The following FRAS1 variants were observed in gnomAD, a reference collection of about 807,000 sequenced individuals.
The protein encoded by FRAS1 is Fraser extracellular matrix complex subunit 1.
In FRAS1, 290 loss-of-function variants were observed where a neutral mutation model predicts 435.2. The observed-to-expected ratio is 0.67, with a 90% CI of 0.61 to 0.73. FRAS1 has a LOEUF of 0.73. FRAS1 is among the 30% of genes least tolerant of loss of function. The probability of loss-of-function intolerance (pLI) is 0.00; values close to 1 mark genes in which losing one functional copy is unlikely to be tolerated. For synonymous variants in FRAS1, 1,800 were observed against 1,851.0 expected, an observed-to-expected ratio of 0.97 and a Z score of 0.71; for missense variants, 4,860 against 5,001.5, an observed-to-expected ratio of 0.97 and a Z score of 0.85.
Position 78,375,807 on chromosome 4 carries a change from C to G in FRAS1, c.3220C>G (p.Leu1074Val). 6.2e-7 allele frequency: 1 copy of G among 1,613,376 alleles called. No individual in the cohort carries two copies. The highest frequency in any genetic ancestry group is 8.5e-7 in the Non-Finnish European group (1 of 1,179,606). Reference sequence around the variant, plus strand: ...TCACCTCTGTGACCATGGGTTCTTTCTGAAGAGTGGCCTCTGTGTTTACAA... The same window carrying G: ...TCACCTCTGTGACCATGGGTTCTTTGTGAAGAGTGGCCTCTGTGTTTACAA... ...RCHLCDHGFF[L>V]KSGLCVYNCV... Residue 1074 changes from leucine (L) to valine (V), a missense_variant, in exon 26 of 74, where the codon CTG (leucine) becomes GTG (valine). Transcript: ENST00000512123.
intron 47 of FRAS1, among the ~76,000 whole-genome samples, chr4:78,454,412 A>T (rs17003245): frequency 0.026 from 3,946 of 152,240 alleles, 173 homozygotes; most frequent in African/African-American, 0.09. Context: ...GAGGGCATGT[A>T]GTACGTGTAT....
rs941167707 is a variant in FRAS1 at position 78,057,689 on chromosome 4, C to A, written c.-321C>A. 4.8e-6 allele frequency: 2 copies of A among 414,808 alleles called. No homozygotes were observed. The highest frequency in any genetic ancestry group is 4.3e-6 in the Non-Finnish European group (1 of 230,618). The allele number at this position is 414,808 out of a possible 1,614,324, so 25.7% of individuals were successfully genotyped here. ...GATCCCATCGGCCAGTGACCAGCAA[C>A]TTTCCGGCGAGATTTTGACGCGGAG... On this transcript the variant is annotated 5_prime_UTR_variant, in exon 1 of 74. Transcript: ENST00000512123. This position sits in a 1 kb window ranked among gnomAD's most constrained non-coding sequence, Gnocchi z 4.2.
rs147812910 is a variant in FRAS1, at chr4:78,177,662, A to T, written c.109-59848A>T. Reference sequence around the variant, plus strand: ...GGGTCTGCCAGCTCTACTTGAGATTATGCTTCCAGCACCTGTAACTCCTGG... The same window carrying T: ...GGGTCTGCCAGCTCTACTTGAGATTTTGCTTCCAGCACCTGTAACTCCTGG... On this transcript the variant is annotated intron_variant, in intron 2 of 73. Transcript: ENST00000512123. Among the ~76,000 whole-genome samples, 960 of 152,260 alleles carry T rather than the reference A, an allele frequency of 6.3e-3. 9 individuals are homozygous for T. Among genetic ancestry groups the T allele is most frequent in the African/African-American group, 0.022 (901 of 41,534 alleles).
chr4:78,329,876 C>T (rs1463519943), intron 18 of FRAS1, among the ~76,000 whole-genome samples: 1 of 152,188 alleles, frequency 6.6e-6, no homozygotes, highest in Non-Finnish European at 1.5e-5. Flanking sequence ...ATGGATTAAA[C>T]CCCATGACTT....
At chr4:78,440,321 C>T (rs1414513030) in intron 40 of FRAS1, among the ~76,000 whole-genome samples, 2 of 152,150 alleles carry the variant, frequency 1.3e-5, no homozygotes, top group Admixed American at 6.5e-5. Context: ...CGTGAGCCAC[C>T]GGGCCCGGCC....
chr4:78,430,960 T>C (rs1393123270), intron 37 of FRAS1, among the ~76,000 whole-genome samples: 1 of 152,202 alleles, frequency 6.6e-6, no homozygotes. Context: ...AAATAATATA[T>C]GTTTATTATT....
intron 2 of FRAS1, among the ~76,000 whole-genome samples, chr4:78,207,993 A>G (rs189997628): frequency 4.6e-5 from 7 of 152,296 alleles, no homozygotes; most frequent in Non-Finnish European, 8.8e-5. Flanking sequence ...GGAATAAACC[A>G]GAAAAGCCGA....
chr4:78,221,808 A>G (rs531249295), intron 2 of FRAS1, among the ~76,000 whole-genome samples: 9 of 152,362 alleles, frequency 5.9e-5, no homozygotes, highest in Middle Eastern at 3.4e-3. Flanking sequence ...GGACAAGGTC[A>G]CAACACCCCT....
At position 78,382,826 on chromosome 4, in the gene FRAS1, C is replaced by T. The variant is rs572531627; in HGVS notation, c.3564-1233C>T. On this transcript the variant is annotated intron_variant, in intron 27 of 73. Coordinates refer to ENST00000512123, the MANE Select transcript of FRAS1 (RefSeq NM_025074.7). ...ATAGTTGCTCCTTTACCCCTAGTCACTGGTGACCACTGATCCATTTTTACT... is the reference window on the plus strand; with the variant it reads ...ATAGTTGCTCCTTTACCCCTAGTCATTGGTGACCACTGATCCATTTTTACT... 8.5e-5 allele frequency among the ~76,000 whole-genome samples: 13 copies of T among 152,308 alleles called. No homozygotes were observed. In the South Asian group the frequency reaches 2.5e-3, roughly 29 times the overall value.
At chr4:78,439,186 C>T (rs572960112) in intron 40 of FRAS1, 122 bp downstream of exon 40, 55 of 801,584 alleles carry the variant, frequency 6.9e-5, no homozygotes, top group Non-Finnish European at 1.0e-4. Flanking sequence ...ATCCAGGCAG[C>T]GGTATGAAGA....
intron 2 of FRAS1, among the ~76,000 whole-genome samples, chr4:78,177,828 G>A (rs1041856211): frequency 1.3e-4 from 20 of 152,070 alleles, no homozygotes; most frequent in African/African-American, 4.8e-4. Flanking sequence ...TTACTTCCTG[G>A]AAGTTACTGA....
intron 36 of FRAS1, among the ~76,000 whole-genome samples, chr4:78,429,902 T>C (rs1734146295): frequency 6.6e-6 from 1 of 152,184 alleles, no homozygotes; most frequent in South Asian, 2.1e-4. Flanking sequence ...CTTGGCTCTT[T>C]GTAGCTTTAG....
chr4:78,536,528 A>G (rs549272205), intron 71 of FRAS1, among the ~76,000 whole-genome samples: 8 of 152,182 alleles, frequency 5.3e-5, no homozygotes, highest in Non-Finnish European at 1.2e-4. Flanking sequence ...ACTTAGCCCC[A>G]CTCAGTGCCT....
Position 78,540,829 on chromosome 4 carries a change from T to G in FRAS1, c.11744T>G (p.Leu3915Arg). Residue 3915 changes from leucine to arginine, a missense_variant, in exon 74 of 74, where the codon CTT becomes CGT. By Grantham distance (102) the Leu-to-Arg change is moderately radical. Coordinates refer to ENST00000512123, the MANE Select transcript of FRAS1 (RefSeq NM_025074.7). ...GGCAGTGCCCTGGCTGCAATCATGC[T>G]TCTACTTCTGGTGTTTTTGGTGGCT... ...SIGSALAAIMLLLLVFLVACF... is the reference protein window; with the variant it reads ...SIGSALAAIMRLLLVFLVACF... 1 of 1,613,994 alleles carries G rather than the reference T, an allele frequency of 6.2e-7. No individual in the cohort carries two copies.
chr4:78,120,936 C>T (rs982183092), intron 2 of FRAS1, among the ~76,000 whole-genome samples: 1 of 152,128 alleles, frequency 6.6e-6, no homozygotes, highest in East Asian at 1.9e-4. Context: ...TTTGCTACTT[C>T]GTGGGAAATT....
rs1197038878 is a variant in FRAS1 at position 78,432,414 on chromosome 4, G to A, written c.5027G>A (p.Gly1676Asp). Residue 1676 changes from glycine to aspartate, a missense_variant, in exon 38 of 74, where the codon GGT (glycine) becomes GAT (aspartate). Coordinates refer to ENST00000512123, the MANE Select transcript of FRAS1 (RefSeq NM_025074.7). ...AATGCTCTACAGTATATACATGATGGTTCCTCTACCCGGGAAGACAGCATG... is the reference window on the plus strand; with the variant it reads ...AATGCTCTACAGTATATACATGATGATTCCTCTACCCGGGAAGACAGCATG... ...EKNALQYIHD[G>D]SSTREDSMEI... 7.4e-6 allele frequency: 12 copies of A among 1,611,642 alleles called. No homozygotes were observed. The Admixed American group carries it at 1.5e-4, about 20-fold the overall frequency.
intron 2 of FRAS1, among the ~76,000 whole-genome samples, chr4:78,219,199 T>C (rs973380212): frequency 6.6e-6 from 1 of 152,214 alleles, no homozygotes; most frequent in Non-Finnish European, 1.5e-5. Flanking sequence ...GCCCTACTTA[T>C]ACATCTATTA....
chr4:78,204,796 A>C (rs1443353759), intron 2 of FRAS1, among the ~76,000 whole-genome samples: 1 of 152,276 alleles, frequency 6.6e-6, no homozygotes, highest in Admixed American at 6.5e-5. Flanking sequence ...AAAGAATAAA[A>C]GACATCACTA....
At chr4:78,291,948 C>A (rs903507041) in intron 14 of FRAS1, among the ~76,000 whole-genome samples, 4 of 152,178 alleles carry the variant, frequency 2.6e-5, no homozygotes, top group Non-Finnish European at 5.9e-5. Flanking sequence ...TTTGGCAAAC[C>A]ATTTAACCTC....
Sources: gnomAD v4.1 joint callset for allele counts (sites outside exome capture counted in the v4.1 genomes callset) on GRCh38, gnomAD v4.1.1 for gene constraint, Gnocchi (gnomAD v3.1) non-coding constraint, MANE v1.5 for transcripts, NCBI Gene and HGNC (gene_info 2026-07-23, HGNC 2026-07-21) for gene names.